PTPRD: variants seen among roughly 807,000 people sequenced by gnomAD.
The protein encoded by PTPRD is receptor-type tyrosine-protein phosphatase delta.
A neutral mutation model predicts 214.5 loss-of-function variants in PTPRD; 34 were observed. The ratio of observed to expected loss-of-function variants is 0.16; its 90% CI spans 0.12 to 0.21. The LOEUF (loss-of-function observed/expected upper bound fraction) is 0.21. Among genes scored for constraint, PTPRD ranks in the 10% least tolerant of loss-of-function variants. The pLI, the probability that PTPRD is intolerant of heterozygous loss-of-function variation, is 1.00. For missense variants in PTPRD, 2,545 were observed against 2,398.7 expected (o/e 1.06, Z -1.27); for synonymous variants, 1,128 against 845.7 (o/e 1.33, Z -5.79).
intron 9 of PTPRD, among the ~76,000 whole-genome samples, chr9:9,382,526 A>G (rs1239357753): frequency 6.6e-6 from 1 of 152,192 alleles, no homozygotes; most frequent in Admixed American, 6.6e-5. Context: ...GGGCTTGAAT[A>G]GACATTTCCC....
chr9:8,924,667 C>T (rs552477203), intron 11 of PTPRD, among the ~76,000 whole-genome samples: 2 of 152,076 alleles, frequency 1.3e-5, no homozygotes, highest in South Asian at 4.1e-4. Flanking sequence ...CTTCTACTTG[C>T]AGAACTGATC....
At chr9:9,762,705 C>T (rs1042110281) in intron 6 of PTPRD, among the ~76,000 whole-genome samples, 19 of 152,262 alleles carry the variant, frequency 1.2e-4, no homozygotes, top group East Asian at 3.9e-4. Flanking sequence ...TCATCAGAAC[C>T]GCATATATTT....
intron 4 of PTPRD, among the ~76,000 whole-genome samples, chr9:9,987,989 G>C (rs867912040): frequency 1.3e-5 from 2 of 151,978 alleles, no homozygotes; most frequent in African/African-American, 4.8e-5. Context: ...CATTATAATC[G>C]AGTCAAAACA....
At chr9:8,584,697 A>T (rs908597592) in intron 14 of PTPRD, among the ~76,000 whole-genome samples, 6 of 152,178 alleles carry the variant, frequency 3.9e-5, no homozygotes, top group Non-Finnish European at 7.3e-5. Context: ...TAAATATAAC[A>T]AACAGCAGAA....
chr9:8,513,817 T>A (rs1335207603), intron 21 of PTPRD, among the ~76,000 whole-genome samples: 2 of 152,086 alleles, frequency 1.3e-5, no homozygotes, highest in East Asian at 3.9e-4. Context: ...TAATTAAGCC[T>A]ATAGAACAGA....
At chr9:10,118,048 T>C (rs565826655) in intron 3 of PTPRD, among the ~76,000 whole-genome samples, 75 of 152,120 alleles carry the variant, frequency 4.9e-4, no homozygotes, top group Middle Eastern at 6.8e-3. Flanking sequence ...TTTCTTTCTA[T>C]AGGTGCAATA....
intron 8 of PTPRD, among the ~76,000 whole-genome samples, chr9:9,512,325 G>A (rs1203879105): frequency 1.3e-5 from 2 of 151,798 alleles, no homozygotes; most frequent in African/African-American, 4.8e-5. Flanking sequence ...CTGGGTATAT[G>A]AGTAAGGGGG....
chr9:8,721,463 A>T (rs1032450935), intron 12 of PTPRD, among the ~76,000 whole-genome samples: 2 of 151,976 alleles, frequency 1.3e-5, no homozygotes, highest in African/African-American at 4.8e-5. Flanking sequence ...AAAGTGTTTA[A>T]ATCATTATTC....
chr9:9,826,425 G>C (rs894728593), intron 5 of PTPRD, among the ~76,000 whole-genome samples: 2 of 151,836 alleles, frequency 1.3e-5, no homozygotes, highest in East Asian at 1.9e-4. Flanking sequence ...GAAGTATTTT[G>C]AAGGCAGACT....
At chr9:10,225,263 T>C (rs2099585105) in intron 3 of PTPRD, among the ~76,000 whole-genome samples, 1 of 152,034 alleles carries the variant, frequency 6.6e-6, no homozygotes, top group South Asian at 2.1e-4. Flanking sequence ...ATCTTATGGT[T>C]ACTATAATCA....
chr9:10,211,736 G>C (rs569768453), intron 3 of PTPRD, among the ~76,000 whole-genome samples: 83 of 152,222 alleles, frequency 5.5e-4, no homozygotes, highest in African/African-American at 9.9e-4. Context: ...TTAGAAGTGA[G>C]AGCTAAACAG....
intron 5 of PTPRD, among the ~76,000 whole-genome samples, chr9:9,845,059 A>AAT (rs34254711): frequency 9.3e-5 from 9 of 96,724 alleles, no homozygotes; most frequent in Admixed American, 3.7e-4. Flanking sequence ...TATATAGAGC[A>AAT]ATATATATAT....
intron 15 of PTPRD, chr9:8,528,144 T>G: frequency 3.1e-6 from 1 of 327,056 alleles, no homozygotes; most frequent in Non-Finnish European, 5.4e-6. Context: ...TTTAATAAAA[T>G]TGAAACATTT....
At chr9:9,403,817 G>T (rs184205704) in intron 8 of PTPRD, among the ~76,000 whole-genome samples, 2 of 152,000 alleles carry the variant, frequency 1.3e-5, no homozygotes, top group East Asian at 3.9e-4. Context: ...CATTATTGTG[G>T]CATGGAGAGG....
chr9:9,334,706 C>T (rs1387553425), intron 9 of PTPRD, among the ~76,000 whole-genome samples: 1 of 151,808 alleles, frequency 6.6e-6, no homozygotes, highest in Non-Finnish European at 1.5e-5. Context: ...ACCACATTGC[C>T]TGGTACACAG....
chr9:8,947,203 C>G (rs1393691769), intron 11 of PTPRD, among the ~76,000 whole-genome samples: 1 of 151,548 alleles, frequency 6.6e-6, no homozygotes, highest in Non-Finnish European at 1.5e-5. Flanking sequence ...GTGGCTCACG[C>G]CTGTAATCCT....
At chr9:8,731,580 G>A (rs189037833) in intron 12 of PTPRD, among the ~76,000 whole-genome samples, 3 of 152,236 alleles carry the variant, frequency 2.0e-5, no homozygotes, top group Middle Eastern at 3.4e-3. Flanking sequence ...GGTAATGACA[G>A]TATTTGATAA....
At chr9:10,015,581 A>C (rs10809010) in intron 4 of PTPRD, among the ~76,000 whole-genome samples, 93,847 of 151,930 alleles carry the variant, frequency 0.62, 29,779 homozygotes, top group Middle Eastern at 0.79. Context: ...GAGTCAATCC[A>C]AGCCTCAACT....
At chr9:9,284,708 G>C (rs1357372600) in intron 9 of PTPRD, among the ~76,000 whole-genome samples, 3 of 151,750 alleles carry the variant, frequency 2.0e-5, no homozygotes, top group African/African-American at 7.2e-5. Flanking sequence ...CAGCCTTTTA[G>C]AGAAAAGTGT....
Sources: allele counts gnomAD v4.1 joint callset (sites outside exome capture counted in the v4.1 genomes callset), GRCh38; gene constraint gnomAD v4.1.1; transcripts MANE v1.5; gene names NCBI Gene and HGNC (gene_info 2026-07-23, HGNC 2026-07-21).